Variants in PLXDC2 observed in about 807,000 individuals in gnomAD.
PLXDC2 encodes the protein plexin domain-containing protein 2.
In PLXDC2, 40 loss-of-function variants were observed where a neutral mutation model predicts 68.9. The observed-to-expected ratio is 0.58, with a 90% CI of 0.45 to 0.76. PLXDC2 has a LOEUF of 0.76. Among genes scored for constraint, PLXDC2 ranks in the 30% least tolerant of loss-of-function variants. PLXDC2 has a pLI of 0.00. For missense variants in PLXDC2, 644 were observed against 661.9 expected, an observed-to-expected ratio of 0.97 and a Z score of 0.30; for synonymous variants, 243 against 234.2, an observed-to-expected ratio of 1.04 and a Z score of -0.34.
intron 13 of PLXDC2, among the ~76,000 whole-genome samples, chr10:20,248,277 CT>C (rs1835627153): frequency 6.6e-6 from 1 of 152,110 alleles, no homozygotes; most frequent in Admixed American, 6.6e-5. Context: ...GTCTCATTGT[CT>C]TATGTCTCAG....
intron 1 of PLXDC2, among the ~76,000 whole-genome samples, chr10:19,991,440 T>G (rs1021173428): frequency 6.6e-6 from 1 of 151,694 alleles, no homozygotes; most frequent in African/African-American, 2.4e-5. Flanking sequence ...TATGTTTACC[T>G]AGAGAAACAT....
chr10:19,847,959 G>T (rs2131323547), intron 1 of PLXDC2, among the ~76,000 whole-genome samples: 1 of 152,218 alleles, frequency 6.6e-6, no homozygotes, highest in South Asian at 2.1e-4. Context: ...CCTACCGATT[G>T]CTAGGCAGTT....
intron 1 of PLXDC2, among the ~76,000 whole-genome samples, chr10:19,976,484 A>G (rs1445510250): frequency 1.3e-5 from 2 of 152,146 alleles, no homozygotes; most frequent in Non-Finnish European, 2.9e-5. Context: ...AAGTGCTGGG[A>G]TTACAGGCGT....
intron 1 of PLXDC2, among the ~76,000 whole-genome samples, chr10:19,819,254 A>G (rs1415369494): frequency 6.6e-6 from 1 of 152,240 alleles, no homozygotes; most frequent in Non-Finnish European, 1.5e-5. Context: ...AGAAACCCAT[A>G]TATTGATAGG....
intron 1 of PLXDC2, among the ~76,000 whole-genome samples, chr10:19,845,205 G>A (rs1047466524): frequency 2.0e-5 from 3 of 152,086 alleles, no homozygotes; most frequent in African/African-American, 7.2e-5. Flanking sequence ...TTCTCACCAC[G>A]TGTGCCATAA....
At chr10:20,000,763 TTGTACCAAGGGGAACATAATGGC>T (rs1834921732) in intron 1 of PLXDC2, among the ~76,000 whole-genome samples, 1 of 152,344 alleles carries the variant, frequency 6.6e-6, no homozygotes, top group East Asian at 1.9e-4. Flanking sequence ...TAGAATGTTC[TTGTACCAAGGGGAACATAATGGC>T]TGTAATTAAA....
Position 19,891,101 on chromosome 10 carries a change from T to C in PLXDC2, c.112+73910T>C, listed in dbSNP as rs182433631. On this transcript the variant is annotated intron_variant, in intron 1 of 13. Transcript: ENST00000377252. ...GACATCTGTGATTGCTTCTCTTTTA[T>C]GTCTTTCTCTGTCCAGCGCTCCCAC... 2.7e-3 allele frequency among the ~76,000 whole-genome samples: 404 copies of C among 152,300 alleles called. 1 individual carries two copies. Among genetic ancestry groups the C allele is most frequent in the African/African-American group, 9.2e-3 (382 of 41,566 alleles).
At chr10:20,267,391 A>G (rs963472443) in intron 13 of PLXDC2, among the ~76,000 whole-genome samples, 2 of 152,188 alleles carry the variant, frequency 1.3e-5, no homozygotes, top group Non-Finnish European at 2.9e-5. Flanking sequence ...TAACAGAAGC[A>G]GAATCAGGAA....
chr10:20,168,585 T>C (rs774041780), intron 7 of PLXDC2, among the ~76,000 whole-genome samples: 22 of 152,204 alleles, frequency 1.4e-4, no homozygotes, highest in Non-Finnish European at 2.8e-4. Flanking sequence ...TGTCCATCTG[T>C]ATGTCTCGAA....
chr10:19,833,119 G>A (rs2131310943), intron 1 of PLXDC2, among the ~76,000 whole-genome samples: 1 of 152,284 alleles, frequency 6.6e-6, no homozygotes, highest in African/African-American at 2.4e-5. Context: ...AGACAAAAAA[G>A]GGCAGGGCAA....
intron 10 of PLXDC2, among the ~76,000 whole-genome samples, chr10:20,216,033 C>A (rs1296951785): frequency 6.6e-6 from 1 of 151,786 alleles, no homozygotes; most frequent in Non-Finnish European, 1.5e-5. Context: ...TGATTATTCT[C>A]CAGCTGTGCC....
chr10:19,855,331 TGAAATG>T (rs1837192423), intron 1 of PLXDC2, among the ~76,000 whole-genome samples: 1 of 152,152 alleles, frequency 6.6e-6, no homozygotes, highest in Non-Finnish European at 1.5e-5. Context: ...TTGAAGTCCT[TGAAATG>T]GAGGTTTTTT....
At chr10:19,871,532 G>T (rs1162505843) in intron 1 of PLXDC2, among the ~76,000 whole-genome samples, 1 of 152,086 alleles carries the variant, frequency 6.6e-6, no homozygotes, top group African/African-American at 2.4e-5. Flanking sequence ...TGTGCAGATT[G>T]ATCATCCAAT....
intron 6 of PLXDC2, among the ~76,000 whole-genome samples, chr10:20,158,820 A>G (rs1834253126): frequency 6.6e-6 from 1 of 152,164 alleles, no homozygotes; most frequent in African/African-American, 2.4e-5. Context: ...AGAGGCAGAC[A>G]TGTTCCATAG....
chr10:19,969,700 T>C (rs761524943), intron 1 of PLXDC2, among the ~76,000 whole-genome samples: 5 of 152,222 alleles, frequency 3.3e-5, no homozygotes, highest in African/African-American at 1.2e-4. Context: ...TCAGTTAATA[T>C]GGTAAGATAA....
chr10:20,014,373 T>C (rs1157143939), intron 2 of PLXDC2, among the ~76,000 whole-genome samples: 1 of 68,352 alleles, frequency 1.5e-5, no homozygotes, highest in Admixed American at 1.7e-4. Context: ...CTTCCTTCCT[T>C]CCTTCCTTGC....
At chr10:20,177,608 A>T (rs1834544856) in intron 9 of PLXDC2, among the ~76,000 whole-genome samples, 199 bp downstream of exon 9, 1 of 151,850 alleles carries the variant, frequency 6.6e-6, no homozygotes. Context: ...CTACCAAAAA[A>T]GTTTTAACAA....
At chr10:19,895,772 G>A (rs183915752) in intron 1 of PLXDC2, among the ~76,000 whole-genome samples, 202 of 152,116 alleles carry the variant, frequency 1.3e-3, no homozygotes, top group African/African-American at 4.4e-3. Context: ...ATCATGCTAA[G>A]GGCTGGGCAT....
chr10:19,862,965 A>G (rs72784129), intron 1 of PLXDC2, among the ~76,000 whole-genome samples: 6,869 of 152,212 alleles, frequency 0.045, 199 homozygotes, highest in Middle Eastern at 0.11. Context: ...TAATACATGG[A>G]AGTAGCGTGT....
Sources: allele counts gnomAD v4.1 joint callset (sites outside exome capture counted in the v4.1 genomes callset), GRCh38; gene constraint gnomAD v4.1.1; transcripts MANE v1.5; gene names NCBI Gene and HGNC (gene_info 2026-07-23, HGNC 2026-07-21).